Variants in MRTFA observed in about 807,000 individuals in gnomAD.
The protein encoded by MRTFA is myocardin-related transcription factor A.
A neutral mutation model predicts 83.5 loss-of-function variants in MRTFA; 20 were observed. The ratio of observed to expected loss-of-function variants is 0.24; its 90% CI spans 0.17 to 0.35. The LOEUF (loss-of-function observed/expected upper bound fraction) is 0.35, where lower values mean the gene tolerates loss of function less well. MRTFA is among the 10% of genes least tolerant of loss of function. The pLI is 1.00. For synonymous variants in MRTFA, 659 were observed against 541.2 expected, an observed-to-expected ratio of 1.22 and a Z score of -3.02; for missense variants, 1,200 against 1,224.7, an observed-to-expected ratio of 0.98 and a Z score of 0.30.
intron 4 of MRTFA, among the ~76,000 whole-genome samples, chr22:40,459,239 CAAA>C (rs59958160): frequency 2.3e-5 from 2 of 87,122 alleles, no homozygotes; most frequent in Admixed American, 1.4e-4. Flanking sequence ...AGGGGTCTGG[CAAA>C]AAAAAAAAAA....
Position 40,457,436 on chromosome 22 carries a change from G to GAA in MRTFA, c.307+5784_307+5785insTT, listed in dbSNP as rs774183094. Among the ~76,000 whole-genome samples, 849 of 119,878 alleles carry GAA rather than the reference G, an allele frequency of 7.1e-3. 9 individuals carry two copies. The highest frequency in any genetic ancestry group is 0.035 in the Middle Eastern group (9 of 256). 78.6% of individuals were successfully genotyped at this position (119,878 alleles called of 152,430 possible). On this transcript the variant is annotated intron_variant, in intron 4 of 14. Transcript: ENST00000355630. ...AGAGAGACAGAATGAAAGAAAGAAA[G>GAA]AGAAAGAAAGAAAGAAAGAAAGAAA...
At chr22:40,423,768 C>G (rs978130913) in intron 8 of MRTFA, 83 bp from the exon 9 acceptor site, 12 of 1,245,792 alleles carry the variant, frequency 9.6e-6, no homozygotes, top group Non-Finnish European at 4.3e-6. Context: ...ACAGGGTCCT[C>G]AGACGCCACC....
chr22:40,589,941 G>A (rs184069400), intron 2 of MRTFA, among the ~76,000 whole-genome samples: 1 of 151,108 alleles, frequency 6.6e-6, no homozygotes, highest in East Asian at 2.0e-4. Context: ...AGAATCGCTT[G>A]AACCCGGGAG....
At chr22:40,430,214 G>A (rs187591629) in intron 6 of MRTFA, among the ~76,000 whole-genome samples, 211 of 152,334 alleles carry the variant, frequency 1.4e-3, no homozygotes, top group Non-Finnish European at 1.4e-3. Context: ...ACGGCTGGGC[G>A]TGGTGGCTCA....
intron 3 of MRTFA, among the ~76,000 whole-genome samples, chr22:40,471,262 A>T: frequency 1.4e-5 from 2 of 140,162 alleles, no homozygotes; most frequent in Admixed American, 7.2e-5. Context: ...AATTAGCCAG[A>T]TGTGGTGGCA....
intron 1 of MRTFA, among the ~76,000 whole-genome samples, chr22:40,617,766 A>T (rs2147426811): frequency 6.6e-6 from 1 of 152,026 alleles, no homozygotes. Context: ...AGAATGGCCT[A>T]GCCATTAGGA....
chr22:40,487,127 A>G (rs2054186410), intron 3 of MRTFA, among the ~76,000 whole-genome samples: 1 of 152,208 alleles, frequency 6.6e-6, no homozygotes, highest in Admixed American at 6.5e-5. Context: ...ATCTAAGGAC[A>G]GGATATATGT....
rs146055995 is a variant in MRTFA at position 40,411,045 on chromosome 22, C to T, written c.*345G>A. 4 of 262,570 alleles carry T rather than the reference C, an allele frequency of 1.5e-5. No homozygotes were observed. The highest frequency in any genetic ancestry group is 5.7e-5 in the East Asian group (1 of 17,536). The allele number at this position is 262,570 out of a possible 1,614,324, so 16.3% of individuals were successfully genotyped here. On this transcript the variant is annotated 3_prime_UTR_variant, in exon 15 of 15. Coordinates refer to ENST00000355630, the MANE Select transcript of MRTFA (RefSeq NM_020831.6). Reference sequence around the variant, plus strand: ...GCCCTGGGTCAGAAGAGAAGCCTCCCGCCTGGCCAGGCTTCACCTACCTTA... The same window carrying T: ...GCCCTGGGTCAGAAGAGAAGCCTCCTGCCTGGCCAGGCTTCACCTACCTTA...
At chr22:40,429,894 C>T (rs1414647850) in intron 6 of MRTFA, 127 bp from the exon 7 acceptor site, 1 of 999,966 alleles carries the variant, frequency 1.0e-6, no homozygotes. Context: ...AAGCATATTC[C>T]AAGCAGAGAA....
chr22:40,464,960 G>A (rs2053788953), intron 3 of MRTFA, among the ~76,000 whole-genome samples: 1 of 152,086 alleles, frequency 6.6e-6, no homozygotes, highest in South Asian at 2.1e-4. Context: ...TAGCTCCCTG[G>A]CTGTGTCCTT....
At chr22:40,484,001 G>A (rs993171240) in intron 3 of MRTFA, among the ~76,000 whole-genome samples, 1 of 152,006 alleles carries the variant, frequency 6.6e-6, no homozygotes, top group Non-Finnish European at 1.5e-5. Context: ...CTGGGATTGG[G>A]CATGAGGCAC....
At chr22:40,498,117 G>A (rs534240283) in intron 3 of MRTFA, among the ~76,000 whole-genome samples, 2 of 151,822 alleles carry the variant, frequency 1.3e-5, no homozygotes, top group South Asian at 4.2e-4. Flanking sequence ...TCCAGCACCT[G>A]GGTGACAGAG....
At chr22:40,566,448 CTGACCTCG>C (rs2055704813) in intron 2 of MRTFA, among the ~76,000 whole-genome samples, 1 of 152,078 alleles carries the variant, frequency 6.6e-6, no homozygotes. Context: ...TACTGAACTC[CTGACCTCG>C]TGATCCACCC....
chr22:40,570,872 A>T (rs2055780362), intron 2 of MRTFA, among the ~76,000 whole-genome samples: 1 of 151,730 alleles, frequency 6.6e-6, no homozygotes, highest in Non-Finnish European at 1.5e-5. Context: ...TTCTTTGGTC[A>T]TAAATAATGG....
intron 3 of MRTFA, chr22:40,523,505 A>G (rs2054907002): frequency 6.6e-6 from 1 of 152,068 alleles, no homozygotes; most frequent in Non-Finnish European, 1.5e-5. Context: ...ATGCCTGCCT[A>G]ATTTTTGCAT....
At chr22:40,475,028 G>A (rs1424164870) in intron 3 of MRTFA, among the ~76,000 whole-genome samples, 4 of 151,808 alleles carry the variant, frequency 2.6e-5, no homozygotes, top group Admixed American at 6.6e-5. Flanking sequence ...TAGTAGAGAC[G>A]AAGTTTCACC....
chr22:40,605,943 C>T (rs1358243952), intron 1 of MRTFA, among the ~76,000 whole-genome samples: 1 of 152,144 alleles, frequency 6.6e-6, no homozygotes. Flanking sequence ...TCTCCTATTC[C>T]ACAATCAGCT....
At chr22:40,478,174 A>G (rs1044366382) in intron 3 of MRTFA, among the ~76,000 whole-genome samples, 2 of 152,180 alleles carry the variant, frequency 1.3e-5, no homozygotes, top group Admixed American at 1.3e-4. Context: ...AGGAAAGTAA[A>G]TTCTCCTTGG....
At chr22:40,481,310 C>A (rs147875147) in intron 3 of MRTFA, among the ~76,000 whole-genome samples, 1 of 152,088 alleles carries the variant, frequency 6.6e-6, no homozygotes, top group African/African-American at 2.4e-5. Context: ...AGGTTCTTTT[C>A]GGGCACTAGG....
Sources: allele counts gnomAD v4.1 joint callset (sites outside exome capture counted in the v4.1 genomes callset), GRCh38; gene constraint gnomAD v4.1.1; transcripts MANE v1.5; gene names NCBI Gene and HGNC (gene_info 2026-07-23, HGNC 2026-07-21).